Variants in CDH7 observed in about 807,000 individuals in gnomAD.
CDH7 encodes the protein cadherin 7, also known as cadherin-7.
A neutral mutation model predicts 71.8 loss-of-function variants in CDH7; 25 were observed. The observed-to-expected ratio is 0.35, with a 90% CI of 0.25 to 0.49. The LOEUF (loss-of-function observed/expected upper bound fraction) is 0.49. Among genes scored for constraint, CDH7 ranks in the 20% least tolerant of loss-of-function variants. CDH7 has a pLI of 0.99. For synonymous variants in CDH7, 381 were observed against 363.8 expected (o/e 1.05, Z -0.54); for missense variants, 862 against 974.6 (o/e 0.88, Z 1.54).
At chr18:65,871,843 A>C (rs1913936197) in intron 11 of CDH7, among the ~76,000 whole-genome samples, 1 of 152,168 alleles carries the variant, frequency 6.6e-6, no homozygotes, top group Non-Finnish European at 1.5e-5. Context: ...ATTATCAAAA[A>C]TAGGAGTAGT....
chr18:65,776,845 G>A (rs1340582970), intron 2 of CDH7, among the ~76,000 whole-genome samples: 1 of 152,136 alleles, frequency 6.6e-6, no homozygotes, highest in Non-Finnish European at 1.5e-5. Context: ...TTAATAGATT[G>A]CATTTTTAGA....
At chr18:65,838,617 G>A (rs1433465809) in intron 6 of CDH7, among the ~76,000 whole-genome samples, 1 of 152,158 alleles carries the variant, frequency 6.6e-6, no homozygotes, top group African/African-American at 2.4e-5. Flanking sequence ...TTGGCTAAAG[G>A]TGCGAGATAT....
At chr18:65,865,107 T>C (rs546736995) in intron 11 of CDH7, among the ~76,000 whole-genome samples, 31 of 152,228 alleles carry the variant, frequency 2.0e-4, no homozygotes, top group African/African-American at 7.2e-4. Flanking sequence ...GTTTTTTGAT[T>C]ATTTTAAGGC....
chr18:65,812,371 C>A lies in CDH7; in HGVS notation c.506-2114C>A, dbSNP rs79215193. ...TGATGTCTTCAGGGTGTACTTGACA[C>A]CAATTCAGACCACTAACTTAATATA... On this transcript the variant is annotated intron_variant, in intron 3 of 11. Coordinates refer to ENST00000397968, the MANE Select transcript of CDH7 (RefSeq NM_004361.5). 7.9e-5 allele frequency among the ~76,000 whole-genome samples: 12 copies of A among 152,220 alleles called. No individual in the cohort carries two copies. The East Asian group carries it at 2.3e-3, about 29-fold the overall frequency.
At position 65,862,699 on chromosome 18, in the gene CDH7, G is replaced by C. The variant is rs1913610581; in HGVS notation, c.1646G>C (p.Gly549Ala). 1.2e-6 allele frequency: 2 copies of C among 1,614,136 alleles called. No individual in the cohort carries two copies. The highest frequency in any genetic ancestry group is 1.7e-6 in the Non-Finnish European group (2 of 1,179,982). ...GCCTCAATACTGACCAGGAGAAACG[G>C]CTTCCGGAGACAGGAACAATCAGTT... ...NTASILTRRNGFRRQEQSVYY... is the reference protein window; with the variant it reads ...NTASILTRRNAFRRQEQSVYY... The change falls in exon 11 of 12, where the codon GGC (glycine) becomes GCC (alanine). Residue 549 changes from glycine to alanine, a missense_variant. By Grantham distance (60) the Gly-to-Ala change is moderately conservative. Transcript: ENST00000397968.
intron 11 of CDH7, among the ~76,000 whole-genome samples, chr18:65,877,776 T>C (rs1914114541): frequency 6.6e-6 from 1 of 152,192 alleles, no homozygotes; most frequent in South Asian, 2.1e-4. Context: ...TGCTTTCATT[T>C]TGGGGAAACT....
At chr18:65,856,839 AAAT>A (rs1357234970) in intron 7 of CDH7, among the ~76,000 whole-genome samples, 2 of 152,154 alleles carry the variant, frequency 1.3e-5, no homozygotes, top group Non-Finnish European at 2.9e-5. Context: ...TGTATAAAAC[AAAT>A]AATAGCATGG....
chr18:65,786,305 G>T (rs901239866), intron 2 of CDH7, among the ~76,000 whole-genome samples: 3 of 151,750 alleles, frequency 2.0e-5, no homozygotes, highest in African/African-American at 7.3e-5. Flanking sequence ...GAGTTTTGTG[G>T]GGTCTCAGGC....
intron 2 of CDH7, among the ~76,000 whole-genome samples, chr18:65,787,277 G>A (rs1910550449): frequency 6.6e-6 from 1 of 152,138 alleles, no homozygotes; most frequent in African/African-American, 2.4e-5. Context: ...CTACATATAA[G>A]AAGGATTATT....
intron 2 of CDH7, among the ~76,000 whole-genome samples, chr18:65,772,865 G>A (rs1231157358): frequency 2.0e-5 from 3 of 152,056 alleles, no homozygotes; most frequent in Non-Finnish European, 2.9e-5. Flanking sequence ...AGGAGGAAGC[G>A]CATTCTGTTT....
At chr18:65,778,967 A>G (rs1910070241) in intron 2 of CDH7, among the ~76,000 whole-genome samples, 1 of 151,642 alleles carries the variant, frequency 6.6e-6, no homozygotes, top group Non-Finnish European at 1.5e-5. Flanking sequence ...CCTTTGCAGG[A>G]TTGTTTGAAT....
chr18:65,807,919 G>T (rs750636573), intron 2 of CDH7, among the ~76,000 whole-genome samples: 4 of 152,130 alleles, frequency 2.6e-5, no homozygotes, highest in African/African-American at 4.8e-5. Context: ...ATCAGCTCTT[G>T]AAGACCCTAG....
At chr18:65,849,384 CT>C (rs1449530078) in intron 7 of CDH7, among the ~76,000 whole-genome samples, 77 of 115,088 alleles carry the variant, frequency 6.7e-4, no homozygotes, top group African/African-American at 2.3e-3. Context: ...CTTTTCTTTT[CT>C]TTTCTTTTCT....
intron 6 of CDH7, among the ~76,000 whole-genome samples, chr18:65,832,507 G>T (rs1045773304): frequency 2.0e-5 from 3 of 151,918 alleles, no homozygotes; most frequent in African/African-American, 7.2e-5. Context: ...ATGGCATAGA[G>T]TTTTTATGAT....
At chr18:65,814,353 T>C (rs1287928609) in intron 3 of CDH7, 132 bp from the exon 4 acceptor site, 8 of 952,074 alleles carry the variant, frequency 8.4e-6, no homozygotes, top group Non-Finnish European at 1.3e-5. Context: ...GTATCCATTT[T>C]TTTATGTGTC....
intron 2 of CDH7, among the ~76,000 whole-genome samples, chr18:65,782,240 C>T (rs1361560817): frequency 6.6e-6 from 1 of 150,848 alleles, no homozygotes; most frequent in Admixed American, 6.6e-5. Context: ...CGTCTAGGCT[C>T]ACTGCAACCT....
intron 7 of CDH7, among the ~76,000 whole-genome samples, chr18:65,844,828 T>C (rs1489355340): frequency 6.6e-6 from 1 of 152,084 alleles, no homozygotes; most frequent in Non-Finnish European, 1.5e-5. Context: ...TCTGTTGTAT[T>C]ATATGTCTTA....
At chr18:65,795,677 C>T (rs1910885910) in intron 2 of CDH7, among the ~76,000 whole-genome samples, 1 of 152,106 alleles carries the variant, frequency 6.6e-6, no homozygotes, top group African/African-American at 2.4e-5. Context: ...ATAATATGTC[C>T]TTTCAAATAA....
In CDH7 at chr18:65,782,170, C is replaced by CTTTCTTTCTTTCTTTCTTTCT. The variant is rs1568182757; in HGVS notation, c.210+19136_210+19137insTCTTTTCTTTCTTTCTTTCTT. Among the ~76,000 whole-genome samples the CTTTCTTTCTTTCTTTCTTTCT allele has an allele frequency of 1.7e-5, 2 of 120,060 alleles. 1 individual carries two copies. The highest frequency in any genetic ancestry group is 7.7e-5 in the African/African-American group (2 of 25,970). 78.8% of individuals were successfully genotyped at this position (120,060 alleles called of 152,430 possible). On this transcript the variant is annotated intron_variant, in intron 2 of 11. Transcript: ENST00000397968. ...TCTTTCTTTCTTTCTTTCTTCCTTTCTTTCTTTCTTTCTTTCTTGACAGAG... is the reference window on the plus strand; with the variant it reads ...TCTTTCTTTCTTTCTTTCTTCCTTTCTTTCTTTCTTTCTTTCTTTCTTTTCTTTCTTTCTTTCTTGACAGAG...
Sources: allele counts gnomAD v4.1 joint callset (sites outside exome capture counted in the v4.1 genomes callset), GRCh38; gene constraint gnomAD v4.1.1; transcripts MANE v1.5; gene names NCBI Gene and HGNC (gene_info 2026-07-23, HGNC 2026-07-21).